FRG1: variants seen among roughly 807,000 people sequenced by gnomAD.
The protein encoded by FRG1 is protein FRG1.
In FRG1, 19 loss-of-function variants were observed where a neutral mutation model predicts 37.0. That is an observed-to-expected ratio of 0.51 (90% CI 0.36 to 0.75). FRG1 has a LOEUF of 0.75. Among genes scored for constraint, FRG1 ranks in the 30% least tolerant of loss-of-function variants. The pLI, the probability that FRG1 is intolerant of heterozygous loss-of-function variation, is 0.00. For missense variants in FRG1, 243 were observed against 301.4 expected, an observed-to-expected ratio of 0.81 and a Z score of 1.44; for synonymous variants, 73 against 96.5, an observed-to-expected ratio of 0.76 and a Z score of 1.43.
chr4:189,941,643 C>T lies in FRG1; in HGVS notation c.62+572C>T, dbSNP rs192076742. On this transcript the variant is annotated intron_variant, in intron 1 of 8. Transcript: ENST00000226798. ...CTCATTAAGAGATCAAATATCTGAA[C>T]CTCCGTTTACACATTTATACTTTCA... is the stretch of plus-strand genomic sequence containing the variant. Among the ~76,000 whole-genome samples the T allele has an allele frequency of 1.5e-3, 234 of 152,186 alleles. 1 individual carries two copies. Among genetic ancestry groups the T allele is most frequent in the African/African-American group, 5.3e-3 (218 of 41,514 alleles).
intron 6 of FRG1, among the ~76,000 whole-genome samples, chr4:189,958,717 C>A (rs1737096093): frequency 6.6e-6 from 1 of 152,176 alleles, no homozygotes. Flanking sequence ...CTAAATAATA[C>A]TGTTAATATA....
intron 2 of FRG1, among the ~76,000 whole-genome samples, chr4:189,947,037 G>A (rs1281357284): frequency 6.6e-6 from 1 of 152,174 alleles, no homozygotes; most frequent in African/African-American, 2.4e-5. Flanking sequence ...AATATTTTTA[G>A]TAGAGACAGG....
chr4:189,953,518 A>G (rs1736851105), intron 4 of FRG1, among the ~76,000 whole-genome samples: 1 of 152,156 alleles, frequency 6.6e-6, no homozygotes. Context: ...CATAACGACC[A>G]AAAGAATATT....
chr4:189,958,218 C>T (rs1737071941), intron 6 of FRG1, among the ~76,000 whole-genome samples: 1 of 152,082 alleles, frequency 6.6e-6, no homozygotes, highest in African/African-American at 2.4e-5. Context: ...GAAATTTAGG[C>T]TGTTTCCAGT....
At chr4:189,950,580 A>AT (rs1172754947) in intron 2 of FRG1, among the ~76,000 whole-genome samples, 10 of 152,284 alleles carry the variant, frequency 6.6e-5, no homozygotes, top group African/African-American at 2.2e-4. Flanking sequence ...TTTAGCTAAA[A>AT]TTTTATGTAT....
At chr4:189,945,967 G>T (rs998341124) in intron 2 of FRG1, among the ~76,000 whole-genome samples, 1 of 152,114 alleles carries the variant, frequency 6.6e-6, no homozygotes, top group African/African-American at 2.4e-5. Flanking sequence ...TTTTTCTGTT[G>T]TGTCAGTTTT....
chr4:189,960,932 G>A, intron 7 of FRG1, 93 bp downstream of exon 7: 1 of 1,431,962 alleles, frequency 7.0e-7, no homozygotes. Flanking sequence ...GCTGGGCATG[G>A]TGGTACATGC....
At chr4:189,945,920 G>A (rs1736509198) in intron 2 of FRG1, among the ~76,000 whole-genome samples, 1 of 152,096 alleles carries the variant, frequency 6.6e-6, no homozygotes. Context: ...TTAGTTTTTT[G>A]TGGGAAAATT....
intron 2 of FRG1, among the ~76,000 whole-genome samples, chr4:189,945,662 T>G (rs1260413773): frequency 6.6e-6 from 1 of 152,116 alleles, no homozygotes; most frequent in Non-Finnish European, 1.5e-5. Flanking sequence ...TGTTTTTTGT[T>G]TTTTTTTAAG....
chr4:189,957,714 G>A (rs1311364551), intron 6 of FRG1, among the ~76,000 whole-genome samples: 1 of 152,118 alleles, frequency 6.6e-6, no homozygotes, highest in Non-Finnish European at 1.5e-5. Context: ...GCATCTAGGA[G>A]CTACCTTGCC....
intron 1 of FRG1, among the ~76,000 whole-genome samples, chr4:189,941,339 C>T (rs1005969272): frequency 6.6e-6 from 1 of 152,210 alleles, no homozygotes; most frequent in African/African-American, 2.4e-5. Flanking sequence ...TCCCCTGAGG[C>T]ATCTCTCCAG....
At chr4:189,954,995 T>C in intron 4 of FRG1, 42 bp from the exon 5 acceptor site, 3 of 1,249,818 alleles carry the variant, frequency 2.4e-6, no homozygotes, top group Non-Finnish European at 3.5e-6. Flanking sequence ...ATAATTAATT[T>C]TCTCTCAGTC....
chr4:189,956,859 A>G (rs1737004006), intron 5 of FRG1, among the ~76,000 whole-genome samples: 1 of 152,244 alleles, frequency 6.6e-6, no homozygotes, highest in Non-Finnish European at 1.5e-5. Context: ...AAGTTTTAAT[A>G]GAAAGCAGTG....
Position 189,963,161 on chromosome 4 carries a change from T to C in FRG1, c.*32T>C. 9 of 1,584,696 alleles carry C rather than the reference T, an allele frequency of 5.7e-6. No individual in the cohort carries two copies. Among genetic ancestry groups the C allele is most frequent in the East Asian group, 2.2e-5 (1 of 44,636 alleles). On this transcript the variant is annotated 3_prime_UTR_variant, in exon 9 of 9. Transcript: ENST00000226798. The stretch of plus-strand genomic sequence containing the variant: ...TTTTTGTTTCTGCCTTATCTTTCTG[T>C]GTTTTTTTCTGAATAAAATATTCAG...
Position 189,953,083 on chromosome 4 carries a change from G to C in FRG1, c.275G>C (p.Ser92Thr), listed in dbSNP as rs1371831383. The change falls in exon 4 of 9, where the codon AGT becomes ACT. Residue 92 changes from serine to threonine, a missense_variant. Physicochemically the swap from Ser to Thr is moderately conservative, Grantham distance 58. Coordinates refer to ENST00000226798, the MANE Select transcript of FRG1 (RefSeq NM_004477.3). ...APHKEVDEGPSPPEQFTAVKL... is the reference protein window; with the variant it reads ...APHKEVDEGPTPPEQFTAVKL... ...TCTCCAATAGTTGATGAGGGCCCTA[G>C]TCCTCCAGAGCAGTTTACGGCTGTC... The C allele has an allele frequency of 6.3e-7, 1 of 1,586,584 alleles. No homozygotes were observed. Among genetic ancestry groups the C allele is most frequent in the African/African-American group, 1.4e-5 (1 of 73,450 alleles).
chr4:189,942,840 C>T (rs1161737142), intron 1 of FRG1, among the ~76,000 whole-genome samples: 1 of 152,166 alleles, frequency 6.6e-6, no homozygotes, highest in Admixed American at 6.5e-5. Flanking sequence ...GTACATATTA[C>T]CTCTTAATCC....
chr4:189,949,059 TC>T (rs1235580766), intron 2 of FRG1, among the ~76,000 whole-genome samples: 1 of 152,182 alleles, frequency 6.6e-6, no homozygotes, highest in African/African-American at 2.4e-5. Context: ...CAGGAATATT[TC>T]ACCATCTGCC....
Position 189,951,739 on chromosome 4 carries a change from C to T in FRG1, c.134-423C>T, listed in dbSNP as rs146856587. ...AGAGTGCAGTGGCATGATCATAGCT[C>T]ACTATAACGTTGAACTCTGGGCTCA... On this transcript the variant is annotated intron_variant, in intron 2 of 8. Coordinates refer to ENST00000226798, the MANE Select transcript of FRG1 (RefSeq NM_004477.3). 6.3e-3 allele frequency among the ~76,000 whole-genome samples: 959 copies of T among 152,168 alleles called. 15 individuals are homozygous for T. The highest frequency in any genetic ancestry group is 0.022 in the African/African-American group (910 of 41,482).
At chr4:189,960,154 G>A (rs1249515995) in intron 6 of FRG1, among the ~76,000 whole-genome samples, 1 of 152,208 alleles carries the variant, frequency 6.6e-6, no homozygotes, top group Non-Finnish European at 1.5e-5. Context: ...GGAGACATGA[G>A]TCCTTACCAT....
Sources: allele counts gnomAD v4.1 joint callset (sites outside exome capture counted in the v4.1 genomes callset), GRCh38; gene constraint gnomAD v4.1.1; transcripts MANE v1.5; gene names NCBI Gene and HGNC (gene_info 2026-07-23, HGNC 2026-07-21).